The following ERBB4 variants were observed in gnomAD, a reference collection of about 807,000 sequenced individuals.
ERBB4 encodes the protein erb-b2 receptor tyrosine kinase 4.
Under a neutral mutation model 158.0 loss-of-function variants are expected in ERBB4, and 42 were observed. That is an observed-to-expected ratio of 0.27 (90% confidence interval 0.21 to 0.34). The LOEUF (loss-of-function observed/expected upper bound fraction) is 0.34, where lower values mean the gene tolerates loss of function less well. Ranked by LOEUF, ERBB4 falls within the 10% of genes least tolerant of loss-of-function variation. The probability of loss-of-function intolerance (pLI) is 1.00; values close to 1 mark genes in which losing one functional copy is unlikely to be tolerated. For synonymous variants in ERBB4, 583 were observed against 558.7 expected, an observed-to-expected ratio of 1.04 and a Z score of -0.61; for missense variants, 1,333 against 1,624.1, an observed-to-expected ratio of 0.82 and a Z score of 3.08.
rs181645203 is a variant in ERBB4 at position 212,401,259 on chromosome 2, C to A, written c.82+137190G>T. Reference sequence around the variant, plus strand: ...AACGAGACTTAACTAGCAATGTAGTCAGAATTTCTTCATTTGTAAAATACC... The same window carrying A: ...AACGAGACTTAACTAGCAATGTAGTAAGAATTTCTTCATTTGTAAAATACC... On this transcript the variant is annotated intron_variant, in intron 1 of 27. Coordinates refer to ENST00000342788, the MANE Select transcript of ERBB4 (RefSeq NM_005235.3). Among the ~76,000 whole-genome samples, 172 of 152,196 alleles carry A rather than the reference C, an allele frequency of 1.1e-3. 1 individual carries two copies. Among genetic ancestry groups the A allele is most frequent in the Non-Finnish European group, 3.8e-4 (26 of 67,996 alleles).
chr2:211,447,580 A>G (rs1349911170), intron 20 of ERBB4, among the ~76,000 whole-genome samples: 1 of 152,184 alleles, frequency 6.6e-6, no homozygotes, highest in Non-Finnish European at 1.5e-5. Flanking sequence ...TCACAAAGAG[A>G]CACTGCTTAG....
chr2:211,986,391 A>G (rs2081938531), intron 2 of ERBB4, among the ~76,000 whole-genome samples: 1 of 152,182 alleles, frequency 6.6e-6, no homozygotes, highest in South Asian at 2.1e-4. Context: ...TAAATGATTT[A>G]CTCAAGATCA....
At chr2:211,871,170 A>C (rs768288526) in intron 3 of ERBB4, among the ~76,000 whole-genome samples, 1 of 152,158 alleles carries the variant, frequency 6.6e-6, no homozygotes, top group Non-Finnish European at 1.5e-5. Context: ...AGAGGATAAT[A>C]CACTGCATAC....
intron 20 of ERBB4, among the ~76,000 whole-genome samples, chr2:211,560,926 C>T (rs897180010): frequency 6.6e-6 from 1 of 151,896 alleles, no homozygotes; most frequent in African/African-American, 2.4e-5. Flanking sequence ...AGGCCAAAAC[C>T]ACTATGTTAT....
At chr2:212,251,454 G>A (rs1315051349) in intron 1 of ERBB4, among the ~76,000 whole-genome samples, 2 of 151,826 alleles carry the variant, frequency 1.3e-5, no homozygotes, top group East Asian at 1.9e-4. Context: ...AAACAGACAC[G>A]ATAGGTAAAA....
chr2:212,299,936 T>C (rs939830521), intron 1 of ERBB4, among the ~76,000 whole-genome samples: 7 of 151,596 alleles, frequency 4.6e-5, no homozygotes, highest in African/African-American at 1.5e-4. Flanking sequence ...TTGGAGATAG[T>C]CTTCAAATGT....
At chr2:212,374,871 G>T (rs2106396646) in intron 1 of ERBB4, among the ~76,000 whole-genome samples, 1 of 151,764 alleles carries the variant, frequency 6.6e-6, no homozygotes, top group East Asian at 1.9e-4. Flanking sequence ...AAAGTAAGAG[G>T]TCTGTTAATT....
intron 1 of ERBB4, among the ~76,000 whole-genome samples, chr2:212,408,882 C>A (rs776744897): frequency 1.3e-5 from 2 of 152,112 alleles, no homozygotes; most frequent in Non-Finnish European, 2.9e-5. Context: ...GCAATCCTGA[C>A]AAAAACATTA....
intron 20 of ERBB4, among the ~76,000 whole-genome samples, chr2:211,530,622 G>A (rs868429022): frequency 7.4e-4 from 112 of 152,158 alleles, no homozygotes; most frequent in African/African-American, 2.5e-3. Context: ...AGGCAGAGTC[G>A]TTCACACCTG....
chr2:211,849,482 C>A (rs936615719), intron 3 of ERBB4, among the ~76,000 whole-genome samples: 4 of 151,730 alleles, frequency 2.6e-5, no homozygotes, highest in African/African-American at 9.7e-5. Flanking sequence ...ATTATTTTTT[C>A]TGTGCAATGT....
intron 1 of ERBB4, among the ~76,000 whole-genome samples, chr2:212,226,343 C>A (rs1263308895): frequency 6.6e-6 from 1 of 151,996 alleles, no homozygotes; most frequent in African/African-American, 2.4e-5. Flanking sequence ...TTGTGAGACA[C>A]TCTGAGCAGG....
At chr2:211,606,832 A>G (rs999538241) in intron 19 of ERBB4, among the ~76,000 whole-genome samples, 4 of 152,166 alleles carry the variant, frequency 2.6e-5, no homozygotes, top group African/African-American at 9.6e-5. Flanking sequence ...ATTTTGAAAT[A>G]AATTTATTTT....
At chr2:211,478,422 C>T (rs2065008017) in intron 20 of ERBB4, among the ~76,000 whole-genome samples, 1 of 152,152 alleles carries the variant, frequency 6.6e-6, no homozygotes, top group African/African-American at 2.4e-5. Flanking sequence ...TACCTAAAAT[C>T]GTGTGTGTTC....
intron 3 of ERBB4, among the ~76,000 whole-genome samples, chr2:211,832,502 G>A (rs1025471820): frequency 3.3e-5 from 5 of 151,660 alleles, no homozygotes; most frequent in African/African-American, 1.2e-4. Flanking sequence ...ATGCATTAAA[G>A]ATAAAAACTC....
At chr2:211,946,786 G>C (rs937483121) in intron 3 of ERBB4, among the ~76,000 whole-genome samples, 1 of 151,528 alleles carries the variant, frequency 6.6e-6, no homozygotes, top group East Asian at 1.9e-4. Flanking sequence ...GTAACAGTGG[G>C]ATAGCAAGAA....
At chr2:212,118,734 A>C (rs1325953810) in intron 2 of ERBB4, among the ~76,000 whole-genome samples, 1 of 152,084 alleles carries the variant, frequency 6.6e-6, no homozygotes, top group Admixed American at 6.6e-5. Flanking sequence ...AAAAAATAGA[A>C]ATTTTTAGAT....
intron 20 of ERBB4, among the ~76,000 whole-genome samples, chr2:211,515,896 T>TA (rs1553555027): frequency 1.8e-4 from 16 of 88,946 alleles, no homozygotes; most frequent in African/African-American, 8.4e-4. Flanking sequence ...AAAACATATA[T>TA]TATATATATA....
chr2:212,125,100 A>C, intron 1 of ERBB4, 197 bp from the exon 2 acceptor site: 1 of 605,630 alleles, frequency 1.7e-6, no homozygotes, highest in Non-Finnish European at 2.9e-6. Context: ...TACATGTGCT[A>C]ATCACAGAGA....
chr2:212,425,420 A>ATATAGG (rs2091891704), intron 1 of ERBB4, among the ~76,000 whole-genome samples: 1 of 119,612 alleles, frequency 8.4e-6, no homozygotes, highest in African/African-American at 4.4e-5. Flanking sequence ...GTATATACAC[A>ATATAGG]CATATGTATC....
Sources: allele counts gnomAD v4.1 joint callset (sites outside exome capture counted in the v4.1 genomes callset), GRCh38; gene constraint gnomAD v4.1.1; transcripts MANE v1.5; gene names NCBI Gene and HGNC (gene_info 2026-07-23, HGNC 2026-07-21).